KCNQ1OT1: variants seen among roughly 807,000 people sequenced by gnomAD.
KCNQ1OT1 encodes KCNQ1 opposite strand/antisense transcript 1.
At chr11:2,614,774 C>T in exon 1 of KCNQ1OT1, 4 of 398,358 alleles carry the variant, frequency 1.0e-5, no homozygotes, top group Non-Finnish European at 1.8e-5. Flanking sequence ...GTGTCAGTAC[C>T]ACATTGTTTT....
exon 1 of KCNQ1OT1, chr11:2,633,896 A>G (rs1475129089): frequency 2.3e-5 from 9 of 398,460 alleles, no homozygotes; most frequent in Admixed American, 8.8e-5. Flanking sequence ...CATAGTTTTC[A>G]CTTTTGTGAA....
At chr11:2,628,004 G>A (rs2133812371) in exon 1 of KCNQ1OT1, 1 of 398,404 alleles carries the variant, frequency 2.5e-6, no homozygotes, top group East Asian at 3.6e-5. Flanking sequence ...CTTCACCTTG[G>A]CCACCCCCAA....
chr11:2,681,585 C>G (rs1457034648), exon 1 of KCNQ1OT1: 1 of 398,422 alleles, frequency 2.5e-6, no homozygotes, highest in Non-Finnish European at 4.4e-6. Flanking sequence ...CAGGAAGTTT[C>G]TAGCTTGCTT....
At chr11:2,684,519 G>C (rs117013711) in exon 1 of KCNQ1OT1, 2 of 398,508 alleles carry the variant, frequency 5.0e-6, no homozygotes, top group African/African-American at 2.1e-5. Context: ...TCCACTGTTA[G>C]GTGTTGGAAA....
In KCNQ1OT1 at chr11:2,682,860, A is replaced by G; in HGVS notation, n.17135T>C. 1 of 398,646 alleles carries G rather than the reference A, an allele frequency of 2.5e-6. No homozygotes were observed. The highest frequency in any genetic ancestry group is 4.4e-5 in the Admixed American group (1 of 22,738). 24.7% of individuals were successfully genotyped at this position (398,646 alleles called of 1,614,324 possible). A position where few individuals can be genotyped will look rare whatever the true frequency, so the allele number is the denominator to read the frequency against. ...AGAGACCATCTCAGTTTTGTAGACC[A>G]GGAAACTGAGGCTTGGGGATAGCAG... is the stretch of plus-strand genomic sequence containing the variant. On this transcript the variant is annotated non_coding_transcript_exon_variant, in exon 1 of 1. Transcript: ENST00000597346. This position sits in a 1 kb window ranked among gnomAD's most constrained non-coding sequence, Gnocchi z 5.8.
At chr11:2,693,619 C>A (rs115180685) in exon 1 of KCNQ1OT1, 2 of 398,644 alleles carry the variant, frequency 5.0e-6, no homozygotes, top group Non-Finnish European at 8.8e-6. Flanking sequence ...ACAAGAGCTT[C>A]GCCCAGCCGT....
Position 2,620,796 on chromosome 11 carries a change from T to A in KCNQ1OT1, n.79199A>T. On this transcript the variant is annotated non_coding_transcript_exon_variant, in exon 1 of 1. Transcript: ENST00000597346. The surrounding 1 kb of genome is among the most constrained non-coding windows in gnomAD (Gnocchi z 4.5). ...TTAGCACAGTGGCTGAACTAATTTG[T>A]ATTCCTGCCAACAGTGTATAAGCGT... is the stretch of plus-strand genomic sequence containing the variant. The A allele has an allele frequency of 2.5e-6, 1 of 398,612 alleles. No homozygotes were observed. Among genetic ancestry groups the A allele is most frequent in the East Asian group, 3.6e-5 (1 of 28,068 alleles). 24.7% of individuals were successfully genotyped at this position (398,612 alleles called of 1,614,324 possible).
At position 2,644,014 on chromosome 11, in the gene KCNQ1OT1, C is replaced by T. The variant is rs552024216; in HGVS notation, n.55981G>A. The stretch of plus-strand genomic sequence containing the variant: ...TGTAAGTGTCTACAACCTCTTTTAT[C>T]GCTGGTTTTATGATTCTCTCTTTGT... On this transcript the variant is annotated non_coding_transcript_exon_variant, in exon 1 of 1. Coordinates refer to ENST00000597346, the Ensembl canonical transcript of KCNQ1OT1. 37 of 398,458 alleles carry T rather than the reference C, an allele frequency of 9.3e-5. No individual in the cohort carries two copies. In the South Asian group the frequency reaches 4.0e-3, roughly 43 times the overall value. 24.7% of individuals were successfully genotyped at this position (398,458 alleles called of 1,614,324 possible).
Position 2,627,310 on chromosome 11 carries a change from G to A in KCNQ1OT1, n.72685C>T, listed in dbSNP as rs765768279. On this transcript the variant is annotated non_coding_transcript_exon_variant, in exon 1 of 1. Coordinates refer to ENST00000597346, the Ensembl canonical transcript of KCNQ1OT1. The surrounding 1 kb of genome is among the most constrained non-coding windows in gnomAD (Gnocchi z 4.9). ...CCTTACATAGTTGCCATGTGTGTGC[G>A]TGTGTGTGGTCAGAATACCTAAGCT... 1.0e-4 allele frequency: 41 copies of A among 398,426 alleles called. No individual in the cohort carries two copies. The highest frequency in any genetic ancestry group is 2.5e-4 in the African/African-American group (12 of 48,668). 24.7% of individuals were successfully genotyped at this position (398,426 alleles called of 1,614,324 possible).
chr11:2,691,944 C>G lies in KCNQ1OT1; in HGVS notation n.8051G>C. The G allele has an allele frequency of 2.5e-6, 1 of 398,654 alleles. No individual in the cohort carries two copies. The highest frequency in any genetic ancestry group is 4.4e-6 in the Non-Finnish European group (1 of 226,126). 24.7% of individuals were successfully genotyped at this position (398,654 alleles called of 1,614,324 possible). A position where few individuals can be genotyped will look rare whatever the true frequency, so the allele number is the denominator to read the frequency against. ...TGGCAGGTTTTCCCTTCTGGCATGG[C>G]CACTAAATGCCAGTGCCTTTCTCTA... On this transcript the variant is annotated non_coding_transcript_exon_variant, in exon 1 of 1. Coordinates refer to ENST00000597346, the Ensembl canonical transcript of KCNQ1OT1. This position sits in a 1 kb window ranked among gnomAD's most constrained non-coding sequence, Gnocchi z 6.4.
At position 2,670,212 on chromosome 11, in the gene KCNQ1OT1, G is replaced by A. The variant is rs1434021395; in HGVS notation, n.29783C>T. 5.0e-6 allele frequency: 2 copies of A among 398,648 alleles called. No homozygotes were observed. The highest frequency in any genetic ancestry group is 8.8e-6 in the Non-Finnish European group (2 of 226,090). The allele number at this position is 398,648 out of a possible 1,614,324, so 24.7% of individuals were successfully genotyped here. A position where few individuals can be genotyped will look rare whatever the true frequency, so the allele number is the denominator to read the frequency against. ...AGCAGAGTGAAGAGCAGGGCGAGCTGTGTAGCTCACCTGCCTTTGACCCTG... is the reference window on the plus strand; with the variant it reads ...AGCAGAGTGAAGAGCAGGGCGAGCTATGTAGCTCACCTGCCTTTGACCCTG... On this transcript the variant is annotated non_coding_transcript_exon_variant, in exon 1 of 1. Transcript: ENST00000597346. The surrounding 1 kb of genome is among the most constrained non-coding windows in gnomAD (Gnocchi z 4.9).
rs1295702026 is a variant in KCNQ1OT1, at chr11:2,641,887, G to A, written n.58108C>T. 1.8e-5 allele frequency: 7 copies of A among 398,422 alleles called. No homozygotes were observed. The East Asian group carries it at 2.5e-4, about 14-fold the overall frequency. 24.7% of individuals were successfully genotyped at this position (398,422 alleles called of 1,614,324 possible). On this transcript the variant is annotated non_coding_transcript_exon_variant, in exon 1 of 1. Coordinates refer to ENST00000597346, the Ensembl canonical transcript of KCNQ1OT1. The stretch of plus-strand genomic sequence containing the variant: ...TTCCCAGCTCCATTAAGTGAAGAGG[G>A]TGCTCTTTTCCCAGTGTATGTTCTT...
At position 2,659,054 on chromosome 11, in the gene KCNQ1OT1, G is replaced by A; in HGVS notation, n.40941C>T. The A allele has an allele frequency of 2.5e-6, 1 of 398,560 alleles. No homozygotes were observed. Among genetic ancestry groups the A allele is most frequent in the Non-Finnish European group, 4.4e-6 (1 of 226,058 alleles). The allele number at this position is 398,560 out of a possible 1,614,324, so 24.7% of individuals were successfully genotyped here. ...CCTTTCACTGCTATGTCATTTGTTT[G>A]TAACACGCTCATCATAGTCTGCTTT... On this transcript the variant is annotated non_coding_transcript_exon_variant, in exon 1 of 1. Transcript: ENST00000597346. This position sits in a 1 kb window ranked among gnomAD's most constrained non-coding sequence, Gnocchi z 4.3.
exon 1 of KCNQ1OT1, chr11:2,646,779 G>A (rs1849672588): frequency 1.5e-5 from 6 of 398,468 alleles, no homozygotes; most frequent in Non-Finnish European, 2.7e-5. Context: ...TCCTTTCAAA[G>A]TGCTGAAATT....
Position 2,627,455 on chromosome 11 carries a change from TC to T in KCNQ1OT1, n.72539del. 1 of 398,474 alleles carries T rather than the reference TC, an allele frequency of 2.5e-6. No individual in the cohort carries two copies. The allele number at this position is 398,474 out of a possible 1,614,324, so 24.7% of individuals were successfully genotyped here. A position where few individuals can be genotyped will look rare whatever the true frequency, so the allele number is the denominator to read the frequency against. On this transcript the variant is annotated non_coding_transcript_exon_variant, in exon 1 of 1. Transcript: ENST00000597346. This position sits in a 1 kb window ranked among gnomAD's most constrained non-coding sequence, Gnocchi z 4.9. The stretch of plus-strand genomic sequence containing the variant: ...TTTGTACCCTTCAACATTTCCTATT[TC>T]CCCTACTCCCTGACCCCTAGTAACC...
At chr11:2,636,362 A>G (rs1364183214) in exon 1 of KCNQ1OT1, 1 of 151,826 alleles carries the variant, frequency 6.6e-6, no homozygotes, top group South Asian at 2.1e-4. Flanking sequence ...ACATCCCATC[A>G]ATACCTAATT....
At chr11:2,684,463 T>G (rs1281497359) in exon 1 of KCNQ1OT1, 2 of 398,546 alleles carry the variant, frequency 5.0e-6, no homozygotes, top group Non-Finnish European at 8.8e-6. Flanking sequence ...GCAAAAAGAC[T>G]ATGCTCCAGA....
Position 2,684,775 on chromosome 11 carries a change from GC to G in KCNQ1OT1, n.15219del, listed in dbSNP as rs1320819890. On this transcript the variant is annotated non_coding_transcript_exon_variant, in exon 1 of 1. Transcript: ENST00000597346. ...AGGGGTAAGGGAGGACTGCCTCCCAGCCTTCCCTCCCCACTGGTCTGGGCAC... is the reference window on the plus strand; with the variant it reads ...AGGGGTAAGGGAGGACTGCCTCCCAGCTTCCCTCCCCACTGGTCTGGGCAC... 12 of 398,542 alleles carry G rather than the reference GC, an allele frequency of 3.0e-5. No individual in the cohort carries two copies. In the Middle Eastern group the frequency reaches 3.7e-3, roughly 124 times the overall value. 24.7% of individuals were successfully genotyped at this position (398,542 alleles called of 1,614,324 possible). A position where few individuals can be genotyped will look rare whatever the true frequency, so the allele number is the denominator to read the frequency against.
rs530256629 is a variant in KCNQ1OT1, at chr11:2,624,135, T to C, written n.75860A>G. On this transcript the variant is annotated non_coding_transcript_exon_variant, in exon 1 of 1. Coordinates refer to ENST00000597346, the Ensembl canonical transcript of KCNQ1OT1. This position sits in a 1 kb window ranked among gnomAD's most constrained non-coding sequence, Gnocchi z 4.9. Reference sequence around the variant, plus strand: ...CTAATAAGCGTGTAGATATATCACATTTCTTGTTTTAATTTCCATTTCCCT... The same window carrying C: ...CTAATAAGCGTGTAGATATATCACACTTCTTGTTTTAATTTCCATTTCCCT... 1 of 398,588 alleles carries C rather than the reference T, an allele frequency of 2.5e-6. No individual in the cohort carries two copies. Among genetic ancestry groups the C allele is most frequent in the Non-Finnish European group, 4.4e-6 (1 of 226,032 alleles). 24.7% of individuals were successfully genotyped at this position (398,588 alleles called of 1,614,324 possible).
Sources: gnomAD v4.1 joint callset for allele counts on GRCh38, gnomAD v4.1.1 for gene constraint, Gnocchi (gnomAD v3.1) non-coding constraint, MANE v1.5 for transcripts, NCBI Gene and HGNC (gene_info 2026-07-23, HGNC 2026-07-21) for gene names.